Variants in EGFLAM observed in about 807,000 individuals in gnomAD.
EGFLAM encodes the protein EGF like, fibronectin type III and laminin G domains.
EGFLAM carries 79 observed loss-of-function variants against 113.1 expected under a neutral mutation model. The observed-to-expected ratio is 0.70, with a 90% confidence interval of 0.58 to 0.84. The LOEUF is 0.84. EGFLAM is among the 40% of genes least tolerant of loss of function. EGFLAM has a pLI of 0.00. For synonymous variants in EGFLAM, 504 were observed against 487.6 expected, an observed-to-expected ratio of 1.03 and a Z score of -0.44; for missense variants, 1,265 against 1,291.6, an observed-to-expected ratio of 0.98 and a Z score of 0.32.
intron 1 of EGFLAM, among the ~76,000 whole-genome samples, chr5:38,302,705 G>T (rs969509762): frequency 9.5e-5 from 8 of 84,010 alleles, no homozygotes; most frequent in African/African-American, 3.3e-4. Flanking sequence ...AGTTGTCTGA[G>T]AATCAAAAAA....
At chr5:38,341,233 C>T (rs1162409518) in intron 3 of EGFLAM, among the ~76,000 whole-genome samples, 2 of 152,156 alleles carry the variant, frequency 1.3e-5, no homozygotes, top group Non-Finnish European at 2.9e-5. Context: ...ATACTTGGCA[C>T]TGGGTAATTT....
chr5:38,371,353 G>C (rs1740207256), intron 6 of EGFLAM, among the ~76,000 whole-genome samples: 1 of 152,118 alleles, frequency 6.6e-6, no homozygotes, highest in African/African-American at 2.4e-5. Context: ...CTGGTAACTG[G>C]CTTAACCAGC....
At chr5:38,362,432 C>G (rs895371149) in intron 5 of EGFLAM, among the ~76,000 whole-genome samples, 1 of 152,036 alleles carries the variant, frequency 6.6e-6, no homozygotes, top group Non-Finnish European at 1.5e-5. Context: ...TTGCTAGCCC[C>G]CAAAAGTTAG....
intron 10 of EGFLAM, among the ~76,000 whole-genome samples, chr5:38,411,850 C>T (rs774592578): frequency 6.6e-6 from 1 of 151,010 alleles, no homozygotes; most frequent in Non-Finnish European, 1.5e-5. Flanking sequence ...CTCTGTTGCC[C>T]AGGCAGTGGC....
At chr5:38,446,118 C>G (rs913336104) in intron 17 of EGFLAM, among the ~76,000 whole-genome samples, 14 of 152,182 alleles carry the variant, frequency 9.2e-5, no homozygotes, top group Non-Finnish European at 1.5e-4. Context: ...CCTCCCCCAC[C>G]GCTCAGCTTG....
At chr5:38,338,292 T>A (rs984600491) in intron 2 of EGFLAM, among the ~76,000 whole-genome samples, 1 of 151,600 alleles carries the variant, frequency 6.6e-6, no homozygotes, top group East Asian at 1.9e-4. Flanking sequence ...CACCACCTGC[T>A]ACTGTCTCCA....
chr5:38,315,012 A>G (rs1224346107), intron 1 of EGFLAM, among the ~76,000 whole-genome samples: 2 of 152,244 alleles, frequency 1.3e-5, no homozygotes, highest in Non-Finnish European at 2.9e-5. Flanking sequence ...ATAATAGCCA[A>G]CCTAGGCTAT....
intron 1 of EGFLAM, among the ~76,000 whole-genome samples, chr5:38,329,913 A>T (rs2589831): frequency 0.055 from 8,436 of 152,220 alleles, 821 homozygotes; most frequent in African/African-American, 0.19. Flanking sequence ...AGGGTGCTCA[A>T]TATGTTAGGT....
chr5:38,396,479 A>G (rs1740965736), intron 6 of EGFLAM, among the ~76,000 whole-genome samples: 2 of 152,248 alleles, frequency 1.3e-5, no homozygotes, highest in East Asian at 1.9e-4. Context: ...TACCATGTGC[A>G]GAGCACCCTG....
intron 12 of EGFLAM, among the ~76,000 whole-genome samples, chr5:38,423,603 G>C (rs1019593251): frequency 6.6e-6 from 1 of 152,200 alleles, no homozygotes; most frequent in African/African-American, 2.4e-5. Context: ...AGGGACCTTT[G>C]AGAGTTTGGC....
intron 1 of EGFLAM, among the ~76,000 whole-genome samples, chr5:38,321,102 A>G (rs1377351797): frequency 1.3e-4 from 20 of 152,148 alleles, no homozygotes; most frequent in Admixed American, 1.2e-3. Flanking sequence ...TATTTCTTAT[A>G]CAACTTACCA....
intron 6 of EGFLAM, among the ~76,000 whole-genome samples, chr5:38,387,674 G>A (rs1211401306): frequency 2.0e-5 from 3 of 152,244 alleles, no homozygotes; most frequent in South Asian, 2.1e-4. Flanking sequence ...CCTGAGCTGC[G>A]CTCCTGGTTC....
intron 14 of EGFLAM, among the ~76,000 whole-genome samples, chr5:38,429,123 T>C (rs2112200103): frequency 6.6e-6 from 1 of 152,278 alleles, no homozygotes; most frequent in East Asian, 1.9e-4. Flanking sequence ...AGGAATAGGA[T>C]AAGATGGGCA....
chr5:38,454,898 T>C (rs1192221951), intron 19 of EGFLAM, among the ~76,000 whole-genome samples: 1 of 152,254 alleles, frequency 6.6e-6, no homozygotes, highest in Non-Finnish European at 1.5e-5. Context: ...TATATATTTA[T>C]AGTTTTGGTG....
Position 38,448,380 on chromosome 5 carries a change from G to A in EGFLAM, c.2543+1G>A, listed in dbSNP as rs1374684823. 1 of 1,613,966 alleles carries A rather than the reference G, an allele frequency of 6.2e-7. No individual in the cohort carries two copies. The highest frequency in any genetic ancestry group is 1.3e-5 in the African/African-American group (1 of 74,912). On this transcript the variant is annotated splice_donor_variant, in intron 18 of 21. Transcript: ENST00000322350. LOFTEE classifies it high-confidence loss of function. The stretch of plus-strand genomic sequence containing the variant: ...ATGACAACCCAGATATCTTGAAGAG[G>A]TAATAAGCTTCAACAGGCACCTTCC...
chr5:38,440,175 A>C (rs1742487503), intron 17 of EGFLAM, among the ~76,000 whole-genome samples: 1 of 152,322 alleles, frequency 6.6e-6, no homozygotes, highest in African/African-American at 2.4e-5. Context: ...ACTGCAGGAC[A>C]TTGGGGACTC....
intron 5 of EGFLAM, among the ~76,000 whole-genome samples, chr5:38,359,999 G>GT (rs895893561): frequency 6.6e-6 from 1 of 152,118 alleles, no homozygotes; most frequent in African/African-American, 2.4e-5. Flanking sequence ...ACCTGGGTGG[G>GT]TTTTTTAAAG....
intron 1 of EGFLAM, among the ~76,000 whole-genome samples, chr5:38,262,277 G>A (rs1007005868): frequency 6.6e-5 from 10 of 152,144 alleles, no homozygotes; most frequent in African/African-American, 2.4e-4. Context: ...AGACAACTGC[G>A]GGAACCAGCA....
chr5:38,362,114 A>C, intron 5 of EGFLAM, among the ~76,000 whole-genome samples: 1 of 152,098 alleles, frequency 6.6e-6, no homozygotes. Flanking sequence ...GGATCTGCAC[A>C]TATGCATCCC....
Sources: allele counts gnomAD v4.1 joint callset (sites outside exome capture counted in the v4.1 genomes callset), GRCh38; gene constraint gnomAD v4.1.1; transcripts MANE v1.5; gene names NCBI Gene and HGNC (gene_info 2026-07-23, HGNC 2026-07-21).